LYSMD3: variants seen among roughly 807,000 people sequenced by gnomAD.
LYSMD3 encodes LysM domain containing 3, also known as lysM and putative peptidoglycan-binding domain-containing protein 3.
LYSMD3 carries 13 observed loss-of-function variants against 26.1 expected under a neutral mutation model. The observed-to-expected ratio is 0.50, with a 90% CI of 0.32 to 0.79. The LOEUF (loss-of-function observed/expected upper bound fraction) is 0.79, where lower values mean the gene tolerates loss of function less well. Ranked by LOEUF, LYSMD3 falls within the 30% of genes least tolerant of loss-of-function variation. The pLI is 0.03. For synonymous variants in LYSMD3, 109 were observed against 119.4 expected, an observed-to-expected ratio of 0.91 and a Z score of 0.57; for missense variants, 331 against 362.5, an observed-to-expected ratio of 0.91 and a Z score of 0.71.
chr5:90,529,546 C>A lies in LYSMD3; in HGVS notation c.-110G>T, dbSNP rs571500644. The A allele has an allele frequency of 6.6e-6, 3 of 456,552 alleles. No individual in the cohort carries two copies. The highest frequency in any genetic ancestry group is 1.5e-5 in the South Asian group (1 of 64,576). 28.3% of individuals were successfully genotyped at this position (456,552 alleles called of 1,614,324 possible). A position where few individuals can be genotyped will look rare whatever the true frequency, so the allele number is the denominator to read the frequency against. On this transcript the variant is annotated 5_prime_UTR_variant, in exon 1 of 3. Transcript: ENST00000315948. Reference sequence around the variant, plus strand: ...TTCATGGCCGAGCCTCTGCTTTGGGCTGACCCCGTCCGCCTCCGCCTCTGC... The same window carrying A: ...TTCATGGCCGAGCCTCTGCTTTGGGATGACCCCGTCCGCCTCCGCCTCTGC...
rs1753308467 is a variant in LYSMD3, at chr5:90,529,461, CA to C, written c.-26del. The C allele has an allele frequency of 2.2e-6, 1 of 456,554 alleles. No individual in the cohort carries two copies. Among genetic ancestry groups the C allele is most frequent in the African/African-American group, 2.0e-5 (1 of 50,078 alleles). 28.3% of individuals were successfully genotyped at this position (456,554 alleles called of 1,614,324 possible). The stretch of plus-strand genomic sequence containing the variant: ...CACCATCTTTACCTGTCCCCGTTAG[CA>C]GGGAGCACTCTGCGAGAAGATGGCC... On this transcript the variant is annotated 5_prime_UTR_variant, in exon 1 of 3. It removes the in-frame stop codon of an upstream open reading frame in the 5' UTR. Transcript: ENST00000315948.
intron 1 of LYSMD3, among the ~76,000 whole-genome samples, chr5:90,527,428 T>TTTA (rs4019487): frequency 2.0e-5 from 3 of 150,782 alleles, no homozygotes; most frequent in Non-Finnish European, 3.0e-5. Flanking sequence ...TTTTTTTTTT[T>TTTA]ACTGTTAAGC....
At position 90,518,874 on chromosome 5, in the gene LYSMD3, T is replaced by TC. The variant is rs764493890; in HGVS notation, c.865dup (p.Asp289GlyfsTer3). On this transcript the variant is annotated frameshift_variant, in exon 3 of 3. Transcript: ENST00000315948. LOFTEE classifies it high-confidence loss of function. ...AGAATCTTGACTATACAGTTTATGA[T>TC]CATCTTGTTGGCTGAAATGTATTCC... 2 of 1,614,026 alleles carry TC rather than the reference T, an allele frequency of 1.2e-6. No homozygotes were observed. The highest frequency in any genetic ancestry group is 1.7e-6 in the Non-Finnish European group (2 of 1,179,924).
chr5:90,520,289 G>T, intron 2 of LYSMD3: 2 of 414,688 alleles, frequency 4.8e-6, no homozygotes, highest in Non-Finnish European at 9.8e-6. Flanking sequence ...ATTACCAATT[G>T]GTATGCCAGG....
rs568524557 is a variant in LYSMD3 at position 90,529,497 on chromosome 5, G to C, written c.-61C>G. 1 of 456,618 alleles carries C rather than the reference G, an allele frequency of 2.2e-6. No individual in the cohort carries two copies. Among genetic ancestry groups the C allele is most frequent in the South Asian group, 1.5e-5 (1 of 64,574 alleles). 28.3% of individuals were successfully genotyped at this position (456,618 alleles called of 1,614,324 possible). On this transcript the variant is annotated 5_prime_UTR_variant, in exon 1 of 3. Coordinates refer to ENST00000315948, the MANE Select transcript of LYSMD3 (RefSeq NM_198273.2). ...CTGCGAGAAGATGGCCAAAAGGTCC[G>C]CCGCCGCCGCTGTCCCGGGTAAGTT...
rs770530691 is a variant in LYSMD3 at position 90,519,492 on chromosome 5, G to GA, written c.256-9_256-8insT. ...TCTCTTGATATCTGCTACCTGTGGG[G>GA]GGGAAAAAAAAGCAACATACAACTG... On this transcript the variant is annotated splice_polypyrimidine_tract_variant and intron_variant, in intron 2 of 2. Coordinates refer to ENST00000315948, the MANE Select transcript of LYSMD3 (RefSeq NM_198273.2). 3.3e-5 allele frequency: 51 copies of GA among 1,544,154 alleles called. No individual in the cohort carries two copies. The highest frequency in any genetic ancestry group is 4.1e-5 in the Non-Finnish European group (47 of 1,150,508).
intron 2 of LYSMD3, chr5:90,520,579 G>C: frequency 2.3e-6 from 1 of 443,264 alleles, no homozygotes; most frequent in South Asian, 1.6e-5. Flanking sequence ...TGAAACTCAA[G>C]AACGATCTCG....
chr5:90,524,918 A>C, intron 2 of LYSMD3, 117 bp downstream of exon 2: 1 of 1,047,114 alleles, frequency 9.6e-7, no homozygotes, highest in South Asian at 1.7e-5. Flanking sequence ...CTATGCAAAA[A>C]ATAAGAGCAA....
rs981557990 is a variant in LYSMD3 at position 90,516,860 on chromosome 5, C to T, written c.*1959G>A. The T allele has an allele frequency of 1.3e-5, 2 of 152,174 alleles. No individual in the cohort carries two copies. Among genetic ancestry groups the T allele is most frequent in the East Asian group, 1.9e-4 (1 of 5,164 alleles). 9.4% of individuals were successfully genotyped at this position (152,174 alleles called of 1,614,324 possible). On this transcript the variant is annotated 3_prime_UTR_variant, in exon 3 of 3. Transcript: ENST00000315948. Reference sequence around the variant, plus strand: ...AAAATAAGTTACATATTTTGGAAATCGAACCCATAACAATTTCAAAGTACA... The same window carrying T: ...AAAATAAGTTACATATTTTGGAAATTGAACCCATAACAATTTCAAAGTACA...
At position 90,518,938 on chromosome 5, in the gene LYSMD3, G is replaced by A. The variant is rs1182842111; in HGVS notation, c.802C>T (p.Gln268Ter). 1.9e-6 allele frequency: 3 copies of A among 1,614,064 alleles called. No individual in the cohort carries two copies. The South Asian group carries it at 3.3e-5, about 18-fold the overall frequency. Residue 268 changes from glutamine to a stop codon, truncating the protein, a stop_gained, in exon 3 of 3, where the codon CAG becomes TAG. Coordinates refer to ENST00000315948, the MANE Select transcript of LYSMD3 (RefSeq NM_198273.2). LOFTEE classifies it high-confidence loss of function. ...ATTCCATTTTCCATTTCTCTCTGCT[G>A]TGATGGGGGTGTGATTTTTGAATGT... ...HLHSKITPPS[Q>*]QREMENGIVP... is the part of the protein sequence containing the mutation.
chr5:90,528,084 C>T, intron 1 of LYSMD3, among the ~76,000 whole-genome samples: 1 of 152,198 alleles, frequency 6.6e-6, no homozygotes, highest in Non-Finnish European at 1.5e-5. Flanking sequence ...ATGACCACAT[C>T]TTTTCCTCCA....
Position 90,519,054 on chromosome 5 carries a change from C to T in LYSMD3, c.686G>A (p.Gly229Asp). 3 of 1,614,014 alleles carry T rather than the reference C, an allele frequency of 1.9e-6. No homozygotes were observed. The highest frequency in any genetic ancestry group is 1.3e-5 in the African/African-American group (1 of 75,008). The change falls in exon 3 of 3, where the codon GGT (glycine) becomes GAT (aspartate). Residue 229 changes from glycine to aspartate, a missense_variant. By Grantham distance (94) the Gly-to-Asp change is moderately conservative. Around this residue, in one of 3 missense-constraint regions of LYSMD3, gnomAD observed 8 missense variants for 28.4 expected, o/e 0.28. Coordinates refer to ENST00000315948, the MANE Select transcript of LYSMD3 (RefSeq NM_198273.2). The stretch of plus-strand genomic sequence containing the variant: ...CAAATAAAACACTGGTGTTATTATA[C>T]CTACTATCAACATTATCACTACAGC... Reference protein sequence around the residue: ...WTAVVIMLIVGIITPVFYLLY... With the variant: ...WTAVVIMLIVDIITPVFYLLY...
intron 2 of LYSMD3, among the ~76,000 whole-genome samples, chr5:90,524,238 ATACAC>A (rs1454924886): frequency 6.6e-6 from 1 of 152,220 alleles, no homozygotes; most frequent in Non-Finnish European, 1.5e-5. Flanking sequence ...GGTGTCCATG[ATACAC>A]TAAAGAATGA....
rs1413200076 is a variant in LYSMD3 at position 90,516,855 on chromosome 5, G to T, written c.*1964C>A. ...TTTAAAAAATAAGTTACATATTTTG[G>T]AAATCGAACCCATAACAATTTCAAA... On this transcript the variant is annotated 3_prime_UTR_variant, in exon 3 of 3. Transcript: ENST00000315948. The T allele has an allele frequency of 6.6e-6, 1 of 152,254 alleles. No individual in the cohort carries two copies. The highest frequency in any genetic ancestry group is 1.5e-5 in the Non-Finnish European group (1 of 67,856). The allele number at this position is 152,254 out of a possible 1,614,324, so 9.4% of individuals were successfully genotyped here.
chr5:90,524,882 G>A lies in LYSMD3; in HGVS notation c.255+153C>T, dbSNP rs539734622. Among the ~76,000 whole-genome samples, 65 of 152,148 alleles carry A rather than the reference G, an allele frequency of 4.3e-4. 1 individual carries two copies. Among genetic ancestry groups the A allele is most frequent in the Admixed American group, 1.6e-3 (24 of 15,288 alleles). On this transcript the variant is annotated intron_variant, in intron 2 of 2. Transcript: ENST00000315948. ...GCTGGGATTACAGGCGTGAGCCACC[G>A]CGCCCAGCCCATGTGACACAGATTT...
At position 90,529,448 on chromosome 5, in the gene LYSMD3, C is replaced by T. The variant is rs1395637418; in HGVS notation, c.-12G>A. On this transcript the variant is annotated splice_region_variant and 5_prime_UTR_variant, in exon 1 of 3. Coordinates refer to ENST00000315948, the MANE Select transcript of LYSMD3 (RefSeq NM_198273.2). The stretch of plus-strand genomic sequence containing the variant: ...CCTCACCTCCTGCCACCATCTTTAC[C>T]TGTCCCCGTTAGCAGGGAGCACTCT... 2.2e-6 allele frequency: 1 copy of T among 456,700 alleles called. No homozygotes were observed. The highest frequency in any genetic ancestry group is 4.4e-6 in the Non-Finnish European group (1 of 226,976). The allele number at this position is 456,700 out of a possible 1,614,324, so 28.3% of individuals were successfully genotyped here.
intron 2 of LYSMD3, chr5:90,520,306 C>T (rs560083739): frequency 7.0e-6 from 3 of 429,020 alleles, no homozygotes; most frequent in South Asian, 5.0e-5. Flanking sequence ...CAGGCTCTCC[C>T]ACCATCTATT....
At chr5:90,522,230 C>T (rs1229843022) in intron 2 of LYSMD3, among the ~76,000 whole-genome samples, 1 of 152,198 alleles carries the variant, frequency 6.6e-6, no homozygotes, top group African/African-American at 2.4e-5. Context: ...GTGAAAATGC[C>T]TGCTCTGGCT....
In LYSMD3 at chr5:90,518,786, T is replaced by C. The variant is rs781074417; in HGVS notation, c.*33A>G. 36 of 642,764 alleles carry C rather than the reference T, an allele frequency of 5.6e-5. No individual in the cohort carries two copies. The highest frequency in any genetic ancestry group is 6.9e-5 in the Non-Finnish European group (31 of 446,092). The allele number at this position is 642,764 out of a possible 1,614,324, so 39.8% of individuals were successfully genotyped here. On this transcript the variant is annotated 3_prime_UTR_variant, in exon 3 of 3. Transcript: ENST00000315948. ...TGATTCACCACATTCCAGATGCACA[T>C]GTGACCACTAACATTTGATTATGAG...
Sources: gnomAD v4.1 joint callset for allele counts (sites outside exome capture counted in the v4.1 genomes callset) on GRCh38, gnomAD v4.1.1 for gene constraint, gnomAD v4.1.1 regional missense constraint, MANE v1.5 for transcripts, NCBI Gene and HGNC (gene_info 2026-07-23, HGNC 2026-07-21) for gene names.